Variants in IRAK2 observed in about 807,000 individuals in gnomAD.
IRAK2 encodes the protein interleukin 1 receptor associated kinase 2, also known as interleukin-1 receptor-associated kinase-like 2.
IRAK2 carries 57 observed loss-of-function variants against 72.0 expected under a neutral mutation model. The ratio of observed to expected loss-of-function variants is 0.79; its 90% CI spans 0.64 to 0.99. The LOEUF (loss-of-function observed/expected upper bound fraction) is 0.99. Among genes scored for constraint, IRAK2 ranks in the 50% least tolerant of loss-of-function variants. IRAK2 has a pLI of 0.00. For synonymous variants in IRAK2, 293 were observed against 312.7 expected (o/e 0.94, Z 0.67); for missense variants, 790 against 794.4 (o/e 0.99, Z 0.07).
intron 7 of IRAK2, among the ~76,000 whole-genome samples, chr3:10,217,587 C>A (rs1416541043): frequency 6.6e-6 from 1 of 152,150 alleles, no homozygotes; most frequent in Non-Finnish European, 1.5e-5. Flanking sequence ...GAAAGATACA[C>A]AAGAAACTGG....
chr3:10,190,673 C>A (rs1575963829), intron 2 of IRAK2, among the ~76,000 whole-genome samples: 1 of 152,306 alleles, frequency 6.6e-6, no homozygotes, highest in South Asian at 2.1e-4. Flanking sequence ...TATTGAACTC[C>A]TGCTAGATGC....
At position 10,237,545 on chromosome 3, in the gene IRAK2, C is replaced by T. The variant is rs370792193; in HGVS notation, c.1474-1203C>T. On this transcript the variant is annotated intron_variant, in intron 11 of 12. Transcript: ENST00000256458. ...ATTAGTGGCCGGGTGCGGTGGCTCA[C>T]GCCTGTAATCTCAGCACTTTGGGAG... Among the ~76,000 whole-genome samples, 14 of 152,056 alleles carry T rather than the reference C, an allele frequency of 9.2e-5. No homozygotes were observed. The East Asian group carries it at 1.7e-3, about 19-fold the overall frequency.
intron 7 of IRAK2, among the ~76,000 whole-genome samples, chr3:10,217,832 G>T (rs1052017486): frequency 6.6e-6 from 1 of 152,168 alleles, no homozygotes; most frequent in Non-Finnish European, 1.5e-5. Context: ...GCATACTAAT[G>T]ATCTTTAGCT....
chr3:10,185,104 G>C (rs959289117), intron 2 of IRAK2, among the ~76,000 whole-genome samples: 4 of 151,306 alleles, frequency 2.6e-5, no homozygotes, highest in African/African-American at 9.8e-5. Flanking sequence ...TCAGTGATCT[G>C]TGATTCGCGA....
rs560292454 is a variant in IRAK2, at chr3:10,243,494, AG to A, written c.*1268del. On this transcript the variant is annotated 3_prime_UTR_variant, in exon 13 of 13. Coordinates refer to ENST00000256458, the MANE Select transcript of IRAK2 (RefSeq NM_001570.4). ...TGTTCTTCATCCCTGGGCTGTTGGG[AG>A]GAACAGATGAGACAGTGGCTATAGA... is the stretch of plus-strand genomic sequence containing the variant. 2.0e-5 allele frequency: 3 copies of A among 152,690 alleles called. No homozygotes were observed. The East Asian group carries it at 5.8e-4, about 29-fold the overall frequency. The allele number at this position is 152,690 out of a possible 1,614,324, so 9.5% of individuals were successfully genotyped here.
At chr3:10,169,902 G>T (rs1696768423) in intron 1 of IRAK2, among the ~76,000 whole-genome samples, 1 of 152,176 alleles carries the variant, frequency 6.6e-6, no homozygotes, top group South Asian at 2.1e-4. Context: ...ACAGACGTAA[G>T]AAATTATAAA....
At chr3:10,174,618 G>T (rs1160698710) in intron 1 of IRAK2, among the ~76,000 whole-genome samples, 2 of 151,736 alleles carry the variant, frequency 1.3e-5, no homozygotes, top group Non-Finnish European at 2.9e-5. Context: ...TCTGCCTCCC[G>T]GGTTCAAGTG....
intron 2 of IRAK2, among the ~76,000 whole-genome samples, chr3:10,188,229 C>G (rs1410262150): frequency 6.6e-6 from 1 of 152,302 alleles, no homozygotes; most frequent in East Asian, 1.9e-4. Flanking sequence ...AGGGTGGAGT[C>G]TGGAAACTGG....
At chr3:10,175,938 AGC>A (rs1227941181) in intron 1 of IRAK2, among the ~76,000 whole-genome samples, 3 of 150,668 alleles carry the variant, frequency 2.0e-5, no homozygotes, top group African/African-American at 7.3e-5. Flanking sequence ...TCTTACCTGC[AGC>A]GTGGCAACAA....
chr3:10,181,455 C>CA (rs1696958627), intron 2 of IRAK2, among the ~76,000 whole-genome samples: 1 of 151,962 alleles, frequency 6.6e-6, no homozygotes, highest in South Asian at 2.1e-4. Flanking sequence ...ACTAAAAATA[C>CA]AAAAAAATTA....
At chr3:10,219,479 C>CT in intron 7 of IRAK2, among the ~76,000 whole-genome samples, 1 of 152,000 alleles carries the variant, frequency 6.6e-6, no homozygotes, top group Non-Finnish European at 1.5e-5. Context: ...CCACCAGGAC[C>CT]GGCTAATTTT....
At chr3:10,201,010 C>T (rs1215123481) in intron 3 of IRAK2, among the ~76,000 whole-genome samples, 1 of 152,194 alleles carries the variant, frequency 6.6e-6, no homozygotes, top group Non-Finnish European at 1.5e-5. Flanking sequence ...TACATGGAAA[C>T]ATACTGACAA....
In IRAK2 at chr3:10,229,965, TG is replaced by T. The variant is rs1279715357; in HGVS notation, c.1272+3534del. Among the ~76,000 whole-genome samples, 3 of 152,022 alleles carry T rather than the reference TG, an allele frequency of 2.0e-5. No individual in the cohort carries two copies. The East Asian group carries it at 5.8e-4, about 29-fold the overall frequency. On this transcript the variant is annotated intron_variant, in intron 10 of 12. Coordinates refer to ENST00000256458, the MANE Select transcript of IRAK2 (RefSeq NM_001570.4). ...AAAACACAAAATTAGCCCTGTGTGGTGGCGAGTGCCTGTAATCCCAGCTACT... is the reference window on the plus strand; with the variant it reads ...AAAACACAAAATTAGCCCTGTGTGGTGCGAGTGCCTGTAATCCCAGCTACT...
chr3:10,189,714 A>G (rs1018334676), intron 2 of IRAK2, among the ~76,000 whole-genome samples: 1 of 152,050 alleles, frequency 6.6e-6, no homozygotes, highest in African/African-American at 2.4e-5. Flanking sequence ...TTGAGTGGAA[A>G]ATTTGGGGCT....
chr3:10,213,900 A>G (rs573533998), intron 6 of IRAK2, among the ~76,000 whole-genome samples: 95 of 151,200 alleles, frequency 6.3e-4, no homozygotes, highest in African/African-American at 2.1e-3. Context: ...ATGGGAATAA[A>G]TCTTCTCTCC....
chr3:10,170,480 T>C (rs1696777692), intron 1 of IRAK2, among the ~76,000 whole-genome samples: 1 of 152,208 alleles, frequency 6.6e-6, no homozygotes, highest in South Asian at 2.1e-4. Context: ...TGGCACCTCT[T>C]TGAAATCAAG....
intron 3 of IRAK2, among the ~76,000 whole-genome samples, chr3:10,205,362 C>G (rs1314453609): frequency 6.6e-6 from 1 of 152,248 alleles, no homozygotes; most frequent in East Asian, 1.9e-4. Flanking sequence ...ATTTTCCAGA[C>G]CAGAGTCCAT....
Position 10,234,799 on chromosome 3 carries a change from C to G in IRAK2, c.1473+140C>G, listed in dbSNP as rs539473577. Reference sequence around the variant, plus strand: ...CCGCAGAACCTCCTAGAGCTCCCATCAGCCAAAGGGCGGTGTAGGGATGGA... The same window carrying G: ...CCGCAGAACCTCCTAGAGCTCCCATGAGCCAAAGGGCGGTGTAGGGATGGA... On this transcript the variant is annotated intron_variant, in intron 11 of 12. Coordinates refer to ENST00000256458, the MANE Select transcript of IRAK2 (RefSeq NM_001570.4). 308 of 761,910 alleles carry G rather than the reference C, an allele frequency of 4.0e-4. 1 individual carries two copies. In the African/African-American group the frequency reaches 4.9e-3, roughly 12 times the overall value. 47.2% of individuals were successfully genotyped at this position (761,910 alleles called of 1,614,324 possible).
intron 8 of IRAK2, among the ~76,000 whole-genome samples, chr3:10,222,008 C>T (rs1389820974): frequency 6.6e-6 from 1 of 152,140 alleles, no homozygotes; most frequent in Admixed American, 6.5e-5. Context: ...CTGCCTCAGC[C>T]TCCTGAGTAG....
Sources: allele counts gnomAD v4.1 joint callset (sites outside exome capture counted in the v4.1 genomes callset), GRCh38; gene constraint gnomAD v4.1.1; transcripts MANE v1.5; gene names NCBI Gene and HGNC (gene_info 2026-07-23, HGNC 2026-07-21).